The following MCU variants were observed in gnomAD, a reference collection of about 807,000 sequenced individuals.
MCU encodes the protein mitochondrial calcium uniporter, also known as calcium uniporter protein, mitochondrial.
A neutral mutation model predicts 45.2 loss-of-function variants in MCU; 12 were observed. The observed-to-expected ratio is 0.27, with a 90% CI of 0.17 to 0.43. The LOEUF is 0.43. Among genes scored for constraint, MCU ranks in the 20% least tolerant of loss-of-function variants. The pLI is 1.00. For missense variants in MCU, 324 were observed against 436.7 expected (o/e 0.74, Z 2.30); for synonymous variants, 160 against 165.1 (o/e 0.97, Z 0.24).
At chr10:72,759,400 C>G (rs577153465) in intron 1 of MCU, among the ~76,000 whole-genome samples, 1 of 152,212 alleles carries the variant, frequency 6.6e-6, no homozygotes, top group African/African-American at 2.4e-5. Context: ...CCGATTAGGT[C>G]GGGGTCAGTC....
At chr10:72,798,192 G>T (rs1029173013) in intron 1 of MCU, among the ~76,000 whole-genome samples, 4 of 152,070 alleles carry the variant, frequency 2.6e-5, no homozygotes, top group Non-Finnish European at 5.9e-5. Context: ...TACATAACAC[G>T]TAAAGGCAGA....
chr10:72,815,313 G>GA (rs1460395866), intron 1 of MCU, among the ~76,000 whole-genome samples: 2 of 152,090 alleles, frequency 1.3e-5, no homozygotes, highest in Non-Finnish European at 2.9e-5. Context: ...TCGTTCTTGA[G>GA]AAAAATAACA....
intron 2 of MCU, among the ~76,000 whole-genome samples, chr10:72,852,165 G>C (rs1845217252): frequency 6.6e-6 from 1 of 152,162 alleles, no homozygotes; most frequent in Non-Finnish European, 1.5e-5. Flanking sequence ...ACTGCCTATA[G>C]AAAAGATAGA....
At chr10:72,709,870 A>T (rs908459693) in intron 1 of MCU, among the ~76,000 whole-genome samples, 4 of 152,170 alleles carry the variant, frequency 2.6e-5, no homozygotes, top group Non-Finnish European at 4.4e-5. Flanking sequence ...GCTTTCTTTA[A>T]GTTTAATGTC....
At chr10:72,748,646 G>A (rs1314443477) in intron 1 of MCU, among the ~76,000 whole-genome samples, 1 of 151,732 alleles carries the variant, frequency 6.6e-6, no homozygotes, top group Non-Finnish European at 1.5e-5. Context: ...GCAAGACCCT[G>A]TCTCTACAAA....
At chr10:72,719,967 C>T (rs1231798955) in intron 1 of MCU, among the ~76,000 whole-genome samples, 2 of 152,230 alleles carry the variant, frequency 1.3e-5, no homozygotes, top group Non-Finnish European at 2.9e-5. Context: ...GAGCTCCTGG[C>T]CTCAAGTGAC....
chr10:72,788,612 T>TTGAGACCCTGTCTCA (rs982765338), intron 1 of MCU, among the ~76,000 whole-genome samples: 1 of 152,098 alleles, frequency 6.6e-6, no homozygotes, highest in African/African-American at 2.4e-5. Flanking sequence ...GGGCCACAGA[T>TTGAGACCCTGTCTCA]TGAGACCCTG....
At chr10:72,742,792 C>T (rs1843353433) in intron 1 of MCU, among the ~76,000 whole-genome samples, 1 of 152,084 alleles carries the variant, frequency 6.6e-6, no homozygotes, top group Admixed American at 6.5e-5. Context: ...CAGAAAACAC[C>T]AGGGAACCCA....
At chr10:72,714,019 T>C (rs1842926585) in intron 1 of MCU, among the ~76,000 whole-genome samples, 3 of 149,072 alleles carry the variant, frequency 2.0e-5, no homozygotes, top group African/African-American at 5.0e-5. Flanking sequence ...CAGCCTGGAG[T>C]GCAATGGCGC....
chr10:72,811,382 A>G (rs758646313), intron 1 of MCU, among the ~76,000 whole-genome samples: 1 of 152,214 alleles, frequency 6.6e-6, no homozygotes, highest in African/African-American at 2.4e-5. Context: ...CATTTTTATG[A>G]CAAACATTTT....
intron 1 of MCU, among the ~76,000 whole-genome samples, chr10:72,807,573 C>T (rs1380475128): frequency 2.0e-5 from 3 of 152,066 alleles, no homozygotes; most frequent in African/African-American, 7.2e-5. Context: ...CTAAATAGTT[C>T]GTTGGAACAG....
At chr10:72,724,801 G>C (rs1180508586) in intron 1 of MCU, among the ~76,000 whole-genome samples, 2 of 152,110 alleles carry the variant, frequency 1.3e-5, no homozygotes. Flanking sequence ...AAATCCTTTG[G>C]AATAGATGGA....
intron 1 of MCU, among the ~76,000 whole-genome samples, chr10:72,786,810 C>T (rs1844078547): frequency 6.6e-6 from 1 of 152,016 alleles, no homozygotes; most frequent in Non-Finnish European, 1.5e-5. Flanking sequence ...ACTGCTTTTT[C>T]AGTTTTCTCA....
chr10:72,882,279 TGA>T (rs1845714339), intron 6 of MCU, among the ~76,000 whole-genome samples: 1 of 152,166 alleles, frequency 6.6e-6, no homozygotes, highest in African/African-American at 2.4e-5. Flanking sequence ...TTGAACAATA[TGA>T]AATCTGGGCA....
At chr10:72,878,403 G>A (rs917424455) in intron 6 of MCU, among the ~76,000 whole-genome samples, 1 of 152,000 alleles carries the variant, frequency 6.6e-6, no homozygotes, top group Admixed American at 6.6e-5. Flanking sequence ...TTACAGGCAT[G>A]AGCCACCATG....
At chr10:72,795,777 ATCACGAGT>A (rs1844233587) in intron 1 of MCU, among the ~76,000 whole-genome samples, 1 of 152,162 alleles carries the variant, frequency 6.6e-6, no homozygotes. Context: ...AGGCAGGTGG[ATCACGAGT>A]TCAAGAGTTC....
At chr10:72,794,106 A>AT (rs976597845) in intron 1 of MCU, among the ~76,000 whole-genome samples, 4 of 151,764 alleles carry the variant, frequency 2.6e-5, no homozygotes, top group East Asian at 3.9e-4. Context: ...TGTTGTTAAA[A>AT]TTTTTTTTTA....
At chr10:72,814,510 A>C (rs766986221) in intron 1 of MCU, among the ~76,000 whole-genome samples, 3 of 152,216 alleles carry the variant, frequency 2.0e-5, no homozygotes, top group Non-Finnish European at 4.4e-5. Context: ...TAAAAGTAGC[A>C]GAATAAAGGA....
At position 72,705,102 on chromosome 10, in the gene MCU, A is replaced by G. The variant is rs537691154; in HGVS notation, c.150+12801A>G. The stretch of plus-strand genomic sequence containing the variant: ...GGTCTCAAACTCCCAGCTTCTAGTG[A>G]TCCTCCTGCTTTGGCCTCCCAAAGT... On this transcript the variant is annotated intron_variant, in intron 1 of 7. Transcript: ENST00000373053. 7.9e-5 allele frequency among the ~76,000 whole-genome samples: 12 copies of G among 152,082 alleles called. No homozygotes were observed. In the South Asian group the frequency reaches 2.5e-3, roughly 32 times the overall value.
Sources: allele counts gnomAD v4.1 joint callset (sites outside exome capture counted in the v4.1 genomes callset), GRCh38; gene constraint gnomAD v4.1.1; transcripts MANE v1.5; gene names NCBI Gene and HGNC (gene_info 2026-07-23, HGNC 2026-07-21).